Variants in ZNF202 observed in about 807,000 individuals in gnomAD.
The protein encoded by ZNF202 is zinc finger protein with KRAB and SCAN domains 10.
Under a neutral mutation model 54.5 loss-of-function variants are expected in ZNF202, and 22 were observed. The ratio of observed to expected loss-of-function variants is 0.40; its 90% CI spans 0.29 to 0.58. ZNF202 has a LOEUF of 0.58. Among genes scored for constraint, ZNF202 ranks in the 20% least tolerant of loss-of-function variants. The probability of loss-of-function intolerance (pLI) is 0.39; values close to 1 mark genes in which losing one functional copy is unlikely to be tolerated. For missense variants in ZNF202, 644 were observed against 805.5 expected, an observed-to-expected ratio of 0.80 and a Z score of 2.43; for synonymous variants, 294 against 301.4, an observed-to-expected ratio of 0.98 and a Z score of 0.26.
At chr11:123,729,476 C>G in intron 5 of ZNF202, 139 bp downstream of exon 5, 7 of 1,131,128 alleles carry the variant, frequency 6.2e-6, no homozygotes, top group Non-Finnish European at 8.5e-6. Flanking sequence ...ACTGTCTCCT[C>G]TTGACATCCT....
At position 123,726,405 on chromosome 11, in the gene ZNF202, A is replaced by G. The variant is rs764280155; in HGVS notation, c.1539T>C (p.Ile513=). ...HTGEKPFFCT[I]CGKSFSQKSV... ...ATTTCTGGCTGAAGCTTTTGCCACAAATAGTACAAAAGAAGGGTTTTTCTC... is the reference window on the plus strand; with the variant it reads ...ATTTCTGGCTGAAGCTTTTGCCACAGATAGTACAAAAGAAGGGTTTTTCTC... Residue 513 remains isoleucine, a synonymous_variant, in exon 9 of 9, where the codon ATT becomes ATC. Coordinates refer to ENST00000530393, the MANE Select transcript of ZNF202 (RefSeq NM_003455.4). This position sits in a 1 kb window ranked among gnomAD's most constrained non-coding sequence, Gnocchi z 6.0. The G allele has an allele frequency of 6.2e-7, 1 of 1,614,204 alleles. No homozygotes were observed.
chr11:123,728,389 T>G, intron 6 of ZNF202, 127 bp from the exon 7 acceptor site: 1 of 1,253,066 alleles, frequency 8.0e-7, no homozygotes, highest in Non-Finnish European at 1.0e-6. Context: ...GCGGGCTGCT[T>G]AAACTCATTC....
At chr11:123,731,741 C>A (rs183044089) in intron 3 of ZNF202, among the ~76,000 whole-genome samples, 1 of 152,248 alleles carries the variant, frequency 6.6e-6, no homozygotes, top group East Asian at 1.9e-4. Flanking sequence ...ATTACTAAAG[C>A]CTATGAGCAT....
At chr11:123,741,286 G>A (rs1442151637) in intron 1 of ZNF202, among the ~76,000 whole-genome samples, 2 of 152,242 alleles carry the variant, frequency 1.3e-5, no homozygotes, top group East Asian at 3.9e-4. Context: ...GGAGGGCGGT[G>A]GCTGGAAAGG....
At position 123,734,729 on chromosome 11, in the gene ZNF202, A is replaced by C. The variant is rs199902192; in HGVS notation, c.-97-3744T>G. Among the ~76,000 whole-genome samples, 4 of 152,220 alleles carry C rather than the reference A, an allele frequency of 2.6e-5. No homozygotes were observed. The East Asian group carries it at 7.9e-4, about 30-fold the overall frequency. ...GCTCGATGCCTGGCACACACCAGGCACTCACTTCACATTTGATGAATGCAG... is the reference window on the plus strand; with the variant it reads ...GCTCGATGCCTGGCACACACCAGGCCCTCACTTCACATTTGATGAATGCAG... On this transcript the variant is annotated intron_variant, in intron 3 of 8. Transcript: ENST00000530393.
At chr11:123,737,223 A>G (rs1289785723) in intron 3 of ZNF202, among the ~76,000 whole-genome samples, 1 of 152,190 alleles carries the variant, frequency 6.6e-6, no homozygotes, top group Admixed American at 6.5e-5. Flanking sequence ...GCAGGAGACA[A>G]TCTGAGGCAA....
In ZNF202 at chr11:123,726,832, C is replaced by G. The variant is rs373154353; in HGVS notation, c.1112G>C (p.Gly371Ala). The G allele has an allele frequency of 6.2e-7, 1 of 1,614,020 alleles. No homozygotes were observed. The highest frequency in any genetic ancestry group is 1.3e-5 in the African/African-American group (1 of 74,898). The change falls in exon 9 of 9, where the codon GGT (glycine) becomes GCT (alanine). Residue 371 changes from glycine to alanine, a missense_variant. By Grantham distance (60) the Gly-to-Ala change is moderately conservative. This residue lies in a region of ZNF202 where 536 missense variants were observed against 635.3 expected (regional missense o/e 0.84). Coordinates refer to ENST00000530393, the MANE Select transcript of ZNF202 (RefSeq NM_003455.4). This position sits in a 1 kb window ranked among gnomAD's most constrained non-coding sequence, Gnocchi z 6.0. ...NPGRLNERRF[G>A]TNISQVNSFV... is the part of the protein sequence containing the mutation. ...ACTATTCACTTGAGAAATATTAGTACCAAATCTTCTTTCATTAAGTCTACC... is the reference window on the plus strand; with the variant it reads ...ACTATTCACTTGAGAAATATTAGTAGCAAATCTTCTTTCATTAAGTCTACC...
chr11:123,739,128 T>C (rs1049903828), intron 3 of ZNF202, among the ~76,000 whole-genome samples: 2 of 152,220 alleles, frequency 1.3e-5, no homozygotes, highest in African/African-American at 4.8e-5. Context: ...CCCCAACTAG[T>C]ATATATTACA....
rs1405759498 is a variant in ZNF202, at chr11:123,723,916, T to A, written c.*2081A>T. ...CAAACCGGCCCAGCCTCACAAGCTT[T>A]CCCTCATGTAGAACTCTGACAGATT... On this transcript the variant is annotated 3_prime_UTR_variant, in exon 9 of 9. Coordinates refer to ENST00000530393, the MANE Select transcript of ZNF202 (RefSeq NM_003455.4). 6.6e-6 allele frequency among the ~76,000 whole-genome samples: 1 copy of A among 152,248 alleles called. No individual in the cohort carries two copies. Among genetic ancestry groups the A allele is most frequent in the African/African-American group, 2.4e-5 (1 of 41,470 alleles).
In ZNF202 at chr11:123,726,964, C is replaced by T. The variant is rs777588942; in HGVS notation, c.980G>A (p.Cys327Tyr). 3.1e-6 allele frequency: 5 copies of T among 1,613,120 alleles called. No individual in the cohort carries two copies. Among genetic ancestry groups the T allele is most frequent in the Non-Finnish European group, 4.2e-6 (5 of 1,179,856 alleles). The change falls in exon 9 of 9, where the codon TGT (cysteine) becomes TAT (tyrosine). Residue 327 changes from cysteine (C) to tyrosine (Y), a missense_variant. Around this residue, in one of 3 missense-constraint regions of ZNF202, gnomAD observed 536 missense variants for 635.3 expected, o/e 0.84. Transcript: ENST00000530393. This position sits in a 1 kb window ranked among gnomAD's most constrained non-coding sequence, Gnocchi z 6.0. ...TGDRSKDEEECLEQEDLSLED... is the reference protein window; with the variant it reads ...TGDRSKDEEEYLEQEDLSLED... ...CAAACTCAGATCTTCCTGCTCCAGA[C>T]ACTCTTCCTCATCTTTACTCCTATC...
At chr11:123,733,000 A>T (rs1258109263) in intron 3 of ZNF202, among the ~76,000 whole-genome samples, 2 of 152,134 alleles carry the variant, frequency 1.3e-5, no homozygotes, top group Non-Finnish European at 2.9e-5. Context: ...TCTGCTCCTA[A>T]ACGGCACTGG....
chr11:123,736,284 T>C (rs1861631575), intron 3 of ZNF202, among the ~76,000 whole-genome samples: 2 of 152,242 alleles, frequency 1.3e-5, no homozygotes, highest in Admixed American at 6.5e-5. Context: ...TGTAGTCATA[T>C]ACCATCAACC....
chr11:123,737,326 G>A (rs1000786123), intron 3 of ZNF202, among the ~76,000 whole-genome samples: 5 of 152,180 alleles, frequency 3.3e-5, no homozygotes, highest in South Asian at 2.1e-4. Context: ...CTTCTAACAC[G>A]TGACCAGTAT....
In ZNF202 at chr11:123,726,621, G is replaced by A. The variant is rs750005789; in HGVS notation, c.1323C>T (p.Ala441=). The A allele has an allele frequency of 6.2e-6, 10 of 1,614,158 alleles. No individual in the cohort carries two copies. The South Asian group carries it at 9.9e-5, about 16-fold the overall frequency. Residue 441 remains alanine (A), a synonymous_variant, in exon 9 of 9, where the codon GCC becomes GCT. Transcript: ENST00000530393. The surrounding 1 kb of genome is among the most constrained non-coding windows in gnomAD (Gnocchi z 6.0). ...TCATCTTGTGAACCTTTTGGTGCCT[G>A]GCAAGATGTGAGCTTCGTGTGTAAC... ...GKSYTRSSHL[A]RHQKVHKMNA... is the part of the protein sequence containing the mutation.
At chr11:123,733,060 T>G (rs936193164) in intron 3 of ZNF202, among the ~76,000 whole-genome samples, 19 of 152,178 alleles carry the variant, frequency 1.2e-4, no homozygotes, top group African/African-American at 4.3e-4. Context: ...TCAACCTCCA[T>G]GACTGGTTTT....
chr11:123,726,182 C>G lies in ZNF202; in HGVS notation c.1762G>C (p.Ala588Pro), dbSNP rs770488010. 1 of 1,614,084 alleles carries G rather than the reference C, an allele frequency of 6.2e-7. No individual in the cohort carries two copies. Among genetic ancestry groups the G allele is most frequent in the Non-Finnish European group, 8.5e-7 (1 of 1,180,028 alleles). The part of the protein sequence containing the change: ...AAFAKHLRGH[A>P]SVRPCRCNEC... ...TTGCATCGGCAGGGCCTCACTGAGG[C>G]GTGTCCTCTCAAGTGCTTGGCGAAC... The change falls in exon 9 of 9, where the codon GCC becomes CCC. Residue 588 changes from alanine (A) to proline (P), a missense_variant. Physicochemically the swap from Ala to Pro is conservative, Grantham distance 27. Transcript: ENST00000530393. This position sits in a 1 kb window ranked among gnomAD's most constrained non-coding sequence, Gnocchi z 6.0.
chr11:123,729,462 C>T (rs561652495), intron 5 of ZNF202, among the ~76,000 whole-genome samples, 153 bp downstream of exon 5: 17 of 152,280 alleles, frequency 1.1e-4, no homozygotes, highest in African/African-American at 2.2e-4. Flanking sequence ...CTCTAGCTGG[C>T]GGTACTGTCT....
At chr11:123,729,538 AGG>A in intron 5 of ZNF202, 75 bp downstream of exon 5, 1 of 1,390,112 alleles carries the variant, frequency 7.2e-7, no homozygotes, top group African/African-American at 1.5e-5. Flanking sequence ...TCCTTGGTAT[AGG>A]AGAAATGTCC....
At chr11:123,735,505 G>A (rs1861594646) in intron 3 of ZNF202, among the ~76,000 whole-genome samples, 1 of 152,140 alleles carries the variant, frequency 6.6e-6, no homozygotes, top group Non-Finnish European at 1.5e-5. Context: ...AGCAATAGAA[G>A]GAATGAAGGA....
Sources: allele counts gnomAD v4.1 joint callset (sites outside exome capture counted in the v4.1 genomes callset), GRCh38; gene constraint gnomAD v4.1.1; regional missense constraint gnomAD v4.1.1; non-coding constraint Gnocchi (gnomAD v3.1); transcripts MANE v1.5; gene names NCBI Gene and HGNC (gene_info 2026-07-23, HGNC 2026-07-21).